RBFOX1: variants seen among roughly 807,000 people sequenced by gnomAD.
The protein encoded by RBFOX1 is RNA binding protein fox-1 homolog 1.
In RBFOX1, 8 loss-of-function variants were observed where a neutral mutation model predicts 57.7. The observed-to-expected ratio is 0.14, with a 90% confidence interval of 0.08 to 0.25. The LOEUF (loss-of-function observed/expected upper bound fraction) is 0.25. RBFOX1 is among the 10% of genes least tolerant of loss of function. The pLI is 1.00. For missense variants in RBFOX1, 611 were observed against 548.5 expected (o/e 1.11, Z -1.14); for synonymous variants, 326 against 222.4 (o/e 1.47, Z -4.15).
At chr16:6,791,137 C>G (rs1293354382) in intron 3 of RBFOX1, among the ~76,000 whole-genome samples, 1 of 151,964 alleles carries the variant, frequency 6.6e-6, no homozygotes, top group Non-Finnish European at 1.5e-5. Context: ...AAACTCCTGA[C>G]CTCAAGAGAT....
intron 1 of RBFOX1, among the ~76,000 whole-genome samples, chr16:5,282,202 A>G (rs1211091109): frequency 6.6e-6 from 1 of 152,180 alleles, no homozygotes; most frequent in Non-Finnish European, 1.5e-5. Context: ...GTAAGATGTG[A>G]CTTGCCTCTC....
intron 4 of RBFOX1, among the ~76,000 whole-genome samples, chr16:5,942,038 C>T (rs1424251451): frequency 6.6e-6 from 1 of 152,052 alleles, no homozygotes; most frequent in Non-Finnish European, 1.5e-5. Flanking sequence ...AAGGCTTCCT[C>T]CCCATGTCCG....
At chr16:6,405,489 A>G (rs1288737844) in intron 2 of RBFOX1, among the ~76,000 whole-genome samples, 2 of 152,192 alleles carry the variant, frequency 1.3e-5, no homozygotes, top group Non-Finnish European at 2.9e-5. Flanking sequence ...TTCCTTTGTC[A>G]GCATGATGGG....
chr16:5,985,578 C>A (rs1439656787), intron 4 of RBFOX1, among the ~76,000 whole-genome samples: 1 of 152,160 alleles, frequency 6.6e-6, no homozygotes, highest in Non-Finnish European at 1.5e-5. Flanking sequence ...CAGCCAGCTC[C>A]AAGGCTAGAA....
chr16:6,070,068 A>G (rs2095817280), intron 1 of RBFOX1, among the ~76,000 whole-genome samples: 1 of 152,208 alleles, frequency 6.6e-6, no homozygotes, highest in East Asian at 1.9e-4. Flanking sequence ...AATTCCATAG[A>G]ATGGTTTTGT....
At chr16:5,683,693 G>A (rs906801193) in intron 3 of RBFOX1, among the ~76,000 whole-genome samples, 4 of 151,350 alleles carry the variant, frequency 2.6e-5, no homozygotes, top group Non-Finnish European at 4.4e-5. Context: ...GCCTATTGTG[G>A]TCTTGTGATC....
intron 4 of RBFOX1, among the ~76,000 whole-genome samples, chr16:5,935,624 C>A (rs1281389103): frequency 6.6e-6 from 1 of 152,158 alleles, no homozygotes; most frequent in African/African-American, 2.4e-5. Context: ...TTACACAGGA[C>A]TTGTTTCTAG....
intron 2 of RBFOX1, among the ~76,000 whole-genome samples, chr16:6,485,957 T>C (rs1391998813): frequency 6.6e-6 from 1 of 151,990 alleles, no homozygotes; most frequent in Non-Finnish European, 1.5e-5. Flanking sequence ...AAATAGTTTT[T>C]CTTTTTTGTA....
At chr16:6,208,027 T>C (rs1871099631) in intron 1 of RBFOX1, among the ~76,000 whole-genome samples, 1 of 152,108 alleles carries the variant, frequency 6.6e-6, no homozygotes, top group Non-Finnish European at 1.5e-5. Flanking sequence ...TATATGTGTG[T>C]GTATACATAT....
chr16:7,151,632 T>A (rs1052459497), intron 4 of RBFOX1, among the ~76,000 whole-genome samples: 1 of 152,226 alleles, frequency 6.6e-6, no homozygotes, highest in Non-Finnish European at 1.5e-5. Context: ...TTAAGTCCTT[T>A]ACATTTATTG....
intron 1 of RBFOX1, among the ~76,000 whole-genome samples, chr16:6,211,074 A>T (rs976284502): frequency 4.6e-5 from 7 of 151,656 alleles, no homozygotes; most frequent in African/African-American, 1.7e-4. Flanking sequence ...ACTGATGGAA[A>T]ACATCAAGAA....
At chr16:5,409,569 A>G (rs933165324) in intron 1 of RBFOX1, among the ~76,000 whole-genome samples, 1 of 152,222 alleles carries the variant, frequency 6.6e-6, no homozygotes, top group Admixed American at 6.5e-5. Flanking sequence ...CTCAACAAAT[A>G]TTTATTGAGC....
intron 4 of RBFOX1, among the ~76,000 whole-genome samples, chr16:7,058,802 G>A (rs2053317884): frequency 1.3e-5 from 2 of 152,128 alleles, no homozygotes; most frequent in African/African-American, 4.8e-5. Context: ...GGCACACATC[G>A]TATTTTATGT....
intron 3 of RBFOX1, among the ~76,000 whole-genome samples, chr16:5,646,431 G>A (rs2049057441): frequency 6.6e-6 from 1 of 152,088 alleles, no homozygotes; most frequent in Non-Finnish European, 1.5e-5. Flanking sequence ...GAGCCACTGT[G>A]CACAACCTCT....
At chr16:6,035,645 C>G (rs367587305) in intron 1 of RBFOX1, among the ~76,000 whole-genome samples, 2 of 152,212 alleles carry the variant, frequency 1.3e-5, no homozygotes. Flanking sequence ...GCCCTCCCAG[C>G]TCCCTGCACG....
intron 3 of RBFOX1, among the ~76,000 whole-genome samples, chr16:6,855,461 C>G (rs1237088230): frequency 6.6e-6 from 1 of 151,906 alleles, no homozygotes; most frequent in Non-Finnish European, 1.5e-5. Context: ...ACCATCCTGG[C>G]TAACACAGTG....
intron 4 of RBFOX1, among the ~76,000 whole-genome samples, chr16:7,203,028 C>T (rs573356411): frequency 8.5e-5 from 13 of 152,192 alleles, no homozygotes; most frequent in African/African-American, 2.4e-4. Context: ...CCTCGTGATC[C>T]GCCTGCCTCG....
chr16:5,364,561 G>T (rs7201733), intron 1 of RBFOX1, among the ~76,000 whole-genome samples: 4 of 152,142 alleles, frequency 2.6e-5, no homozygotes, highest in African/African-American at 9.7e-5. Flanking sequence ...TTTTCTCTTT[G>T]TGATGATACT....
At chr16:5,905,313 A>G (rs1192990555) in intron 4 of RBFOX1, among the ~76,000 whole-genome samples, 5 of 151,886 alleles carry the variant, frequency 3.3e-5, no homozygotes, top group African/African-American at 1.2e-4. Flanking sequence ...TCGGCCTCCC[A>G]AAGTGCTAGG....
Sources: gnomAD v4.1 joint callset for allele counts (sites outside exome capture counted in the v4.1 genomes callset) on GRCh38, gnomAD v4.1.1 for gene constraint, MANE v1.5 for transcripts, NCBI Gene and HGNC (gene_info 2026-07-23, HGNC 2026-07-21) for gene names.